Variants in ZNF33A observed in about 807,000 individuals in gnomAD.
The protein encoded by ZNF33A is zinc finger protein 33A.
Under a neutral mutation model 15.9 loss-of-function variants are expected in ZNF33A, and 9 were observed. The observed-to-expected ratio is 0.57, with a 90% CI of 0.34 to 0.99. The LOEUF (loss-of-function observed/expected upper bound fraction) is 0.99, where lower values mean the gene tolerates loss of function less well. Ranked by LOEUF, ZNF33A falls within the 50% of genes least tolerant of loss-of-function variation. ZNF33A has a pLI of 0.02. For synonymous variants in ZNF33A, 294 were observed against 324.2 expected (o/e 0.91, Z 1.00); for missense variants, 843 against 941.6 (o/e 0.90, Z 1.37).
At chr10:38,013,438 A>T (rs2749569) in intron 2 of ZNF33A, among the ~76,000 whole-genome samples, 129,471 of 151,032 alleles carry the variant, frequency 0.86, 55,557 homozygotes, top group South Asian at 0.92. Context: ...TATTATTATT[A>T]TTTTTTTTGA....
At chr10:38,031,657 C>T (rs2065216176) in intron 4 of ZNF33A, among the ~76,000 whole-genome samples, 1 of 151,522 alleles carries the variant, frequency 6.6e-6, no homozygotes, top group South Asian at 2.1e-4. Flanking sequence ...AATAATTCAG[C>T]TTCTTAATCT....
intron 4 of ZNF33A, among the ~76,000 whole-genome samples, chr10:38,052,854 A>G (rs909809083): frequency 5.9e-5 from 9 of 152,004 alleles, no homozygotes; most frequent in African/African-American, 2.2e-4. Context: ...CAGGTTCATG[A>G]TGGTTCCTTT....
At chr10:38,049,605 T>C (rs530089526) in intron 4 of ZNF33A, among the ~76,000 whole-genome samples, 64 of 152,290 alleles carry the variant, frequency 4.2e-4, no homozygotes, top group African/African-American at 1.4e-3. Flanking sequence ...TGTATATGTA[T>C]ATATCTAATA....
chr10:38,023,464 T>C (rs2064844779), intron 4 of ZNF33A, among the ~76,000 whole-genome samples: 1 of 152,132 alleles, frequency 6.6e-6, no homozygotes, highest in Non-Finnish European at 1.5e-5. Context: ...GGTTCAACAT[T>C]CAGAAATCGA....
intron 4 of ZNF33A, among the ~76,000 whole-genome samples, chr10:38,038,463 C>A (rs2065549681): frequency 6.6e-6 from 1 of 152,284 alleles, no homozygotes; most frequent in South Asian, 2.1e-4. Context: ...CACCCTGCAA[C>A]ATTGTTGAAC....
At position 38,056,017 on chromosome 10, in the gene ZNF33A, C is replaced by T. The variant is rs1008674163; in HGVS notation, c.1893C>T (p.His631=). 48 of 1,614,004 alleles carry T rather than the reference C, an allele frequency of 3.0e-5. No individual in the cohort carries two copies. Among genetic ancestry groups the T allele is most frequent in the Non-Finnish European group, 4.0e-5 (47 of 1,179,990 alleles). Residue 631 remains histidine (H), a synonymous_variant, in exon 5 of 5, where the codon CAC becomes CAT. Transcript: ENST00000432900. ...AACTCACTCAGCATCAGAGAATTCA[C>T]ATAGGGGAGAAACCCTATAAATGTA... is the stretch of plus-strand genomic sequence containing the variant. The part of the protein sequence containing the change: ...KSQLTQHQRI[H]IGEKPYKCNE...
In ZNF33A at chr10:38,037,749, A is replaced by G. The variant is rs1478557513; in HGVS notation, c.251-16626A>G. Among the ~76,000 whole-genome samples, 3 of 152,232 alleles carry G rather than the reference A, an allele frequency of 2.0e-5. 1 individual carries two copies. The highest frequency in any genetic ancestry group is 4.1e-4 in the South Asian group (2 of 4,836). On this transcript the variant is annotated intron_variant, in intron 4 of 4. Coordinates refer to ENST00000432900, the MANE Select transcript of ZNF33A (RefSeq NM_006954.2). ...TTCATATGTTTTCCTCTATGCCAGT[A>G]TCATACCATCTTGATTATTGTAATT...
chr10:38,035,938 C>T (rs2065432962), intron 4 of ZNF33A, among the ~76,000 whole-genome samples: 2 of 152,138 alleles, frequency 1.3e-5, no homozygotes. Flanking sequence ...CAGTGTCTTT[C>T]AGAAAAGAGA....
chr10:38,019,381 AT>A (rs2135558234), intron 4 of ZNF33A, among the ~76,000 whole-genome samples: 1 of 152,158 alleles, frequency 6.6e-6, no homozygotes, highest in East Asian at 1.9e-4. Flanking sequence ...AATCCAGTCT[AT>A]TGTTGTTGGA....
downstream of ZNF33A, among the ~76,000 whole-genome samples, chr10:38,062,305 G>C (rs2066663988): frequency 6.6e-6 from 1 of 152,176 alleles, no homozygotes; most frequent in Non-Finnish European, 1.5e-5. Flanking sequence ...AAATGACCTA[G>C]TCTCAGGTGG....
intron 2 of ZNF33A, among the ~76,000 whole-genome samples, chr10:38,012,607 G>A (rs565340241): frequency 4.0e-5 from 6 of 151,614 alleles, no homozygotes; most frequent in Non-Finnish European, 5.9e-5. Context: ...AATTTTTTGC[G>A]TTTTAATAGA....
chr10:38,034,458 G>A lies in ZNF33A; in HGVS notation c.250+17072G>A, dbSNP rs2065349839. 2.0e-5 allele frequency among the ~76,000 whole-genome samples: 3 copies of A among 152,146 alleles called. No homozygotes were observed. The South Asian group carries it at 6.2e-4, about 32-fold the overall frequency. Reference sequence around the variant, plus strand: ...TGATGTTTTTCTCAAGATAAGACTGGGATTATAGGTTTTGGGGGAAAAAGC... The same window carrying A: ...TGATGTTTTTCTCAAGATAAGACTGAGATTATAGGTTTTGGGGGAAAAAGC... On this transcript the variant is annotated intron_variant, in intron 4 of 4. Coordinates refer to ENST00000432900, the MANE Select transcript of ZNF33A (RefSeq NM_006954.2).
At chr10:38,015,492 G>A (rs1258224717) in intron 2 of ZNF33A, among the ~76,000 whole-genome samples, 1 of 151,894 alleles carries the variant, frequency 6.6e-6, no homozygotes, top group African/African-American at 2.4e-5. Flanking sequence ...CTAATTTTTT[G>A]TATTTTTAGT....
chr10:38,029,961 G>T (rs1291358820), intron 4 of ZNF33A, among the ~76,000 whole-genome samples: 1 of 152,146 alleles, frequency 6.6e-6, no homozygotes, highest in Non-Finnish European at 1.5e-5. Flanking sequence ...CCCACAATTT[G>T]TTGAAGAACA....
intron 4 of ZNF33A, among the ~76,000 whole-genome samples, chr10:38,019,454 A>C (rs992401352): frequency 6.6e-6 from 1 of 152,176 alleles, no homozygotes; most frequent in Non-Finnish European, 1.5e-5. Flanking sequence ...ATACGTGTGC[A>C]TGTGTCTTTA....
chr10:38,044,653 T>G (rs2065873603), intron 4 of ZNF33A, among the ~76,000 whole-genome samples: 1 of 152,148 alleles, frequency 6.6e-6, no homozygotes, highest in Non-Finnish European at 1.5e-5. Context: ...CTAAGTAGTG[T>G]TTCCTTATGA....
chr10:38,031,445 C>T (rs1412864879), intron 4 of ZNF33A, among the ~76,000 whole-genome samples: 9 of 151,866 alleles, frequency 5.9e-5, no homozygotes, highest in Admixed American at 3.3e-4. Context: ...TGGTGCGTGC[C>T]TGCAGTCCCA....
Position 38,056,810 on chromosome 10 carries a change from T to G in ZNF33A, c.*250T>G. ...TTTAAGAAATCTAAAGTGAAAATTTTGCTTAGAAATAAAATACGACAAGTT... is the reference window on the plus strand; with the variant it reads ...TTTAAGAAATCTAAAGTGAAAATTTGGCTTAGAAATAAAATACGACAAGTT... On this transcript the variant is annotated 3_prime_UTR_variant, in exon 5 of 5. Transcript: ENST00000432900. 8.5e-7 allele frequency: 1 copy of G among 1,171,070 alleles called. No individual in the cohort carries two copies. 72.5% of individuals were successfully genotyped at this position (1,171,070 alleles called of 1,614,324 possible).
chr10:38,057,112 C>CTG lies in ZNF33A; in HGVS notation c.*564_*565dup, dbSNP rs367941689. On this transcript the variant is annotated 3_prime_UTR_variant, in exon 5 of 5. Coordinates refer to ENST00000432900, the MANE Select transcript of ZNF33A (RefSeq NM_006954.2). ...GATTTTACTATGGTTTGCATGCACT[C>CTG]TGTGTGTGTGTGTACGTGTATGTGT... 30 of 700,136 alleles carry CTG rather than the reference C, an allele frequency of 4.3e-5. No homozygotes were observed. Among genetic ancestry groups the CTG allele is most frequent in the East Asian group, 1.3e-4 (1 of 7,522 alleles). 43.4% of individuals were successfully genotyped at this position (700,136 alleles called of 1,614,324 possible).
Sources: allele counts gnomAD v4.1 joint callset (sites outside exome capture counted in the v4.1 genomes callset), GRCh38; gene constraint gnomAD v4.1.1; transcripts MANE v1.5; gene names NCBI Gene and HGNC (gene_info 2026-07-23, HGNC 2026-07-21).